Variants in ANG observed in about 807,000 individuals in gnomAD.
ANG encodes angiogenin.
For missense variants in ANG, 178 were observed against 187.4 expected (o/e 0.95, Z 0.29); for synonymous variants, 74 against 73.8 (o/e 1.00, Z -0.02).
chr14:20,688,502 G>T (rs570979796), upstream of ANG, among the ~76,000 whole-genome samples: 1 of 152,216 alleles, frequency 6.6e-6, no homozygotes, highest in South Asian at 2.1e-4. Context: ...GTGTGAATAG[G>T]GAAACCTCAG....
At chr14:20,693,271 AAT>A (rs1321716988) in intron 1 of ANG, among the ~76,000 whole-genome samples, 1 of 152,232 alleles carries the variant, frequency 6.6e-6, no homozygotes, top group African/African-American at 2.4e-5. Flanking sequence ...TGGATTTTGT[AAT>A]GTTACGACTG....
At chr14:20,690,955 C>A (rs1309937037) in intron 1 of ANG, among the ~76,000 whole-genome samples, 1 of 152,160 alleles carries the variant, frequency 6.6e-6, no homozygotes, top group Non-Finnish European at 1.5e-5. Context: ...GACAACAGGT[C>A]GGTCTTTATT....
intron 1 of ANG, chr14:20,693,337 G>A (rs558007295): frequency 1.6e-6 from 1 of 634,840 alleles, no homozygotes; most frequent in Admixed American, 2.8e-5. Flanking sequence ...TGGAGCTAGA[G>A]GTTGTGCTCA....
At chr14:20,692,503 C>G (rs1886814374) in intron 1 of ANG, among the ~76,000 whole-genome samples, 1 of 152,268 alleles carries the variant, frequency 6.6e-6, no homozygotes. Flanking sequence ...GCTCTGCCTC[C>G]TGCCAGATCA....
rs768342067 is a variant in ANG, at chr14:20,693,617, T to A, written c.53T>A (p.Leu18Gln). 16 of 1,614,068 alleles carry A rather than the reference T, an allele frequency of 9.9e-6. No homozygotes were observed. In the South Asian group the frequency reaches 1.4e-4, roughly 14 times the overall value. The part of the protein sequence containing the change: ...LLLVFVLGLG[L>Q]TPPTLAQDNS... ...TTGGTCTTCGTGCTGGGTCTGGGTC[T>A]GACCCCACCGACCCTGGCTCAGGAT... The change falls in exon 2 of 2, where the codon CTG becomes CAG. Residue 18 changes from leucine (L) to glutamine (Q), a missense_variant. By Grantham distance (113) the Leu-to-Gln change is moderately radical (BLOSUM62 -2). Coordinates refer to ENST00000397990, the MANE Select transcript of ANG (RefSeq NM_001097577.3).
chr14:20,689,126 G>T (rs1311345450), intron 1 of ANG, among the ~76,000 whole-genome samples: 1 of 152,200 alleles, frequency 6.6e-6, no homozygotes, highest in African/African-American at 2.4e-5. Flanking sequence ...ATCCCCAAAG[G>T]CCTGGGGGAG....
chr14:20,689,682 C>T (rs1473509938), intron 1 of ANG, among the ~76,000 whole-genome samples: 2 of 152,104 alleles, frequency 1.3e-5, no homozygotes, highest in Admixed American at 6.5e-5. Context: ...TTTGGGAAGC[C>T]GAGGTAGCCG....
At chr14:20,686,794 C>T (rs945138630), upstream of ANG, among the ~76,000 whole-genome samples, 18 of 152,140 alleles carry the variant, frequency 1.2e-4, no homozygotes, top group Admixed American at 1.0e-3. Context: ...TGCTTATAGA[C>T]CTAAAGTGTT....
At chr14:20,689,931 A>C (rs946987464) in intron 1 of ANG, among the ~76,000 whole-genome samples, 5 of 145,162 alleles carry the variant, frequency 3.4e-5, no homozygotes, top group Non-Finnish European at 6.1e-5. Flanking sequence ...AAAAAAAAAA[A>C]CAGGCCGGGC....
Position 20,693,782 on chromosome 14 carries a change from A to G in ANG, c.218A>G (p.Asn73Ser), listed in dbSNP as rs1566602478. 26 of 1,614,226 alleles carry G rather than the reference A, an allele frequency of 1.6e-5. No homozygotes were observed. In the East Asian group the frequency reaches 5.8e-4, roughly 36 times the overall value. Residue 73 changes from asparagine (N) to serine (S), a missense_variant, in exon 2 of 2, where the codon AAC becomes AGC. Physicochemically the swap from Asn to Ser is conservative, Grantham distance 46. Coordinates refer to ENST00000397990, the MANE Select transcript of ANG (RefSeq NM_001097577.3). ...GACATCAACACATTTATTCATGGCA[A>G]CAAGCGCAGCATCAAGGCCATCTGT... ...CKDINTFIHG[N>S]KRSIKAICEN... is the part of the protein sequence containing the mutation.
intron 1 of ANG, among the ~76,000 whole-genome samples, chr14:20,690,957 G>T (rs997015494): frequency 6.6e-6 from 1 of 152,198 alleles, no homozygotes; most frequent in African/African-American, 2.4e-5. Context: ...CAACAGGTCG[G>T]TCTTTATTTT....
intron 1 of ANG, among the ~76,000 whole-genome samples, chr14:20,691,536 T>C (rs1424284064): frequency 1.3e-5 from 2 of 152,208 alleles, no homozygotes; most frequent in African/African-American, 4.8e-5. Flanking sequence ...TTGTTACTCC[T>C]TTAGGGCTGG....
chr14:20,693,037 CG>C (rs1165024548), intron 1 of ANG, among the ~76,000 whole-genome samples: 1 of 151,520 alleles, frequency 6.6e-6, no homozygotes, highest in Non-Finnish European at 1.5e-5. Context: ...TTAGTAGAGA[CG>C]GGGTTTCACC....
At chr14:20,692,972 CG>C (rs1566601533) in intron 1 of ANG, among the ~76,000 whole-genome samples, 1 of 151,772 alleles carries the variant, frequency 6.6e-6, no homozygotes, top group Non-Finnish European at 1.5e-5. Context: ...CTCAGCCTCC[CG>C]AGTAGCTGGG....
chr14:20,693,647 C>T lies in ANG; in HGVS notation c.83C>T (p.Ser28Phe), dbSNP rs1475019638. The change falls in exon 2 of 2, where the codon TCC becomes TTC. Residue 28 changes from serine to phenylalanine, a missense_variant. Ser to Phe is a radical substitution (Grantham distance 155). Coordinates refer to ENST00000397990, the MANE Select transcript of ANG (RefSeq NM_001097577.3). ...CCACCGACCCTGGCTCAGGATAACT[C>T]CAGGTACACACACTTCCTGACCCAG... ...LTPPTLAQDN[S>F]RYTHFLTQHY... 1.2e-6 allele frequency: 2 copies of T among 1,614,006 alleles called. No individual in the cohort carries two copies. Among genetic ancestry groups the T allele is most frequent in the African/African-American group, 1.3e-5 (1 of 74,890 alleles).
At chr14:20,693,372 C>A in intron 1 of ANG, 175 bp from the exon 2 acceptor site, 1 of 778,404 alleles carries the variant, frequency 1.3e-6, no homozygotes, top group Non-Finnish European at 2.1e-6. Flanking sequence ...AGACGTTCCG[C>A]AGGAAGGGAT....
upstream of ANG, among the ~76,000 whole-genome samples, chr14:20,687,490 G>A (rs898552357): frequency 2.6e-5 from 4 of 152,202 alleles, no homozygotes; most frequent in South Asian, 2.1e-4. Flanking sequence ...GTGTGCAGGC[G>A]CATATGGGTT....
At chr14:20,686,805 A>T (rs1886446308), upstream of ANG, among the ~76,000 whole-genome samples, 1 of 152,238 alleles carries the variant, frequency 6.6e-6, no homozygotes, top group African/African-American at 2.4e-5. Context: ...CTAAAGTGTT[A>T]GAATAATAAA....
upstream of ANG, among the ~76,000 whole-genome samples, chr14:20,686,664 G>A (rs1424587607): frequency 6.6e-6 from 1 of 152,230 alleles, no homozygotes; most frequent in East Asian, 1.9e-4. Flanking sequence ...AGGCATGTCA[G>A]CAGGACTTTG....
Sources: gnomAD v4.1 joint callset for allele counts (sites outside exome capture counted in the v4.1 genomes callset) on GRCh38, gnomAD v4.1.1 for gene constraint, MANE v1.5 for transcripts, NCBI Gene and HGNC (gene_info 2026-07-23, HGNC 2026-07-21) for gene names.